Variants in NOS1 observed in about 807,000 individuals in gnomAD.
The protein encoded by NOS1 is NOS type I.
A neutral mutation model predicts 164.5 loss-of-function variants in NOS1; 51 were observed. That is an observed-to-expected ratio of 0.31 (90% CI 0.25 to 0.39). The LOEUF (loss-of-function observed/expected upper bound fraction) is 0.39. Among genes scored for constraint, NOS1 ranks in the 10% least tolerant of loss-of-function variants. The pLI is 1.00. For synonymous variants in NOS1, 719 were observed against 745.8 expected, an observed-to-expected ratio of 0.96 and a Z score of 0.59; for missense variants, 1,362 against 1,885.6, an observed-to-expected ratio of 0.72 and a Z score of 5.14.
intron 2 of NOS1, among the ~76,000 whole-genome samples, chr12:117,329,438 T>G (rs1566078545): frequency 6.6e-6 from 1 of 152,128 alleles, no homozygotes; most frequent in Non-Finnish European, 1.5e-5. Context: ...GATTTTTTGG[T>G]GGCCTCAGAC....
rs576799284 is a variant in NOS1 at position 117,337,753 on chromosome 12, C to T, written c.-420-6264G>A. ...GAATAGAGAGGTCATAGTAGAATGT[C>T]CCCTGGGCTAATAGTCCAGTATCCA... On this transcript the variant is annotated intron_variant, in intron 1 of 28. Transcript: ENST00000317775. Among the ~76,000 whole-genome samples, 48 of 152,206 alleles carry T rather than the reference C, an allele frequency of 3.2e-4. 1 individual carries two copies. Among genetic ancestry groups the T allele is most frequent in the African/African-American group, 1.1e-3 (47 of 41,532 alleles).
chr12:117,213,027 T>C lies in NOS1; in HGVS notation c.*2282A>G, dbSNP rs1321402121. 9 of 985,358 alleles carry C rather than the reference T, an allele frequency of 9.1e-6. No individual in the cohort carries two copies. The highest frequency in any genetic ancestry group is 1.0e-3 in the Middle Eastern group (2 of 1,936). The allele number at this position is 985,358 out of a possible 1,614,324, so 61.0% of individuals were successfully genotyped here. On this transcript the variant is annotated 3_prime_UTR_variant, in exon 29 of 29. Coordinates refer to ENST00000317775, the MANE Select transcript of NOS1 (RefSeq NM_000620.5). Reference sequence around the variant, plus strand: ...TGGTTTTATAATCATTTCTTTGGACTCCTTGACAAAATGAGACAATGTTTC... The same window carrying C: ...TGGTTTTATAATCATTTCTTTGGACCCCTTGACAAAATGAGACAATGTTTC...
chr12:117,357,140 T>C lies in NOS1; in HGVS notation c.-421+4372A>G, dbSNP rs183325067. Among the ~76,000 whole-genome samples the C allele has an allele frequency of 1.3e-3, 192 of 152,246 alleles. 1 individual carries two copies. Among genetic ancestry groups the C allele is most frequent in the Non-Finnish European group, 2.3e-3 (155 of 68,006 alleles). On this transcript the variant is annotated intron_variant, in intron 1 of 28. Coordinates refer to ENST00000317775, the MANE Select transcript of NOS1 (RefSeq NM_000620.5). ...GAGTTTGAGTCTGGCCTGGGCAGCA[T>C]GACAAAACCCCGTCTCTACAAAAAA...
In NOS1 at chr12:117,242,088, C is replaced by T. The variant is rs41383344; in HGVS notation, c.3041+539G>A. On this transcript the variant is annotated intron_variant, in intron 20 of 28. Transcript: ENST00000317775. ...GTAAAACTGGGTTTAAAATAAAGTACTAGGAAGACATGCTTTGGTTACATT... is the reference window on the plus strand; with the variant it reads ...GTAAAACTGGGTTTAAAATAAAGTATTAGGAAGACATGCTTTGGTTACATT... Among the ~76,000 whole-genome samples the T allele has an allele frequency of 2.2e-3, 340 of 152,264 alleles. 2 individuals are homozygous for T. The highest frequency in any genetic ancestry group is 7.9e-3 in the African/African-American group (327 of 41,542).
In NOS1 at chr12:117,330,919, C is replaced by T. The variant is rs777590341; in HGVS notation, c.151G>A (p.Ala51Thr). Residue 51 changes from alanine (A) to threonine (T), a missense_variant, in exon 2 of 29, where the codon GCC becomes ACC. By Grantham distance (58) the Ala-to-Thr change is moderately conservative. Transcript: ENST00000317775. This position sits in a 1 kb window ranked among gnomAD's most constrained non-coding sequence, Gnocchi z 4.6. ...VIISDLIRGG[A>T]AEQSGLIQAG... is the part of the protein sequence containing the mutation. The stretch of plus-strand genomic sequence containing the variant: ...TGGATGAGGCCACTCTGCTCTGCGG[C>T]GCCCCCACGAATCAGGTCAGAGATG... 13 of 1,614,038 alleles carry T rather than the reference C, an allele frequency of 8.1e-6. No individual in the cohort carries two copies. Among genetic ancestry groups the T allele is most frequent in the South Asian group, 2.2e-5 (2 of 91,088 alleles).
Position 117,247,358 on chromosome 12 carries a change from T to C in NOS1, c.2813A>G (p.Lys938Arg), listed in dbSNP as rs1348349522. The stretch of plus-strand genomic sequence containing the variant: ...TGAGATCCAGATTACCTTGAAGACC[T>C]TCTTGGCCCAGGTCCTGAAAGCCTC... The part of the protein sequence containing the change: ...QEEAFRTWAK[K>R]VFKAACDVFC... Residue 938 changes from lysine (K) to arginine (R), a missense_variant, in exon 18 of 29, where the codon AAG becomes AGG. Physicochemically the swap from Lys to Arg is conservative, Grantham distance 26. Around this residue, in one of 4 missense-constraint regions of NOS1, gnomAD observed 737 missense variants for 1,030.3 expected, o/e 0.72. Transcript: ENST00000317775. 4 of 1,600,576 alleles carry C rather than the reference T, an allele frequency of 2.5e-6. No individual in the cohort carries two copies. The highest frequency in any genetic ancestry group is 3.4e-6 in the Non-Finnish European group (4 of 1,174,308).
At chr12:117,229,979 G>C (rs760895568) in intron 22 of NOS1, among the ~76,000 whole-genome samples, 1 of 152,168 alleles carries the variant, frequency 6.6e-6, no homozygotes, top group African/African-American at 2.4e-5. Flanking sequence ...GAGTACAGTT[G>C]CAAGATCGTG....
Position 117,253,816 on chromosome 12 carries a change from C to T in NOS1, c.2532-62G>A, listed in dbSNP as rs908005725. On this transcript the variant is annotated intron_variant, in intron 16 of 28. Coordinates refer to ENST00000317775, the MANE Select transcript of NOS1 (RefSeq NM_000620.5). The stretch of plus-strand genomic sequence containing the variant: ...GGAGCTCCCTCCTGAGGTCAACACC[C>T]TTGATGGATCTTCAAGTGACCAGTC... 26 of 1,080,642 alleles carry T rather than the reference C, an allele frequency of 2.4e-5. No individual in the cohort carries two copies. The African/African-American group carries it at 3.6e-4, about 15-fold the overall frequency. The allele number at this position is 1,080,642 out of a possible 1,614,324, so 66.9% of individuals were successfully genotyped here.
At chr12:117,278,800 GATATTA>G (rs1236476799) in intron 8 of NOS1, among the ~76,000 whole-genome samples, 1 of 148,838 alleles carries the variant, frequency 6.7e-6, no homozygotes, top group African/African-American at 2.5e-5. Context: ...TAATGTCCTT[GATATTA>G]ATATTAATTT....
intron 1 of NOS1, among the ~76,000 whole-genome samples, chr12:117,332,621 T>C (rs1875601609): frequency 6.6e-6 from 1 of 151,886 alleles, no homozygotes; most frequent in African/African-American, 2.4e-5. Flanking sequence ...TCCCAGCACT[T>C]TGGGAGGCCA....
intron 8 of NOS1, 103 bp from the exon 9 acceptor site, chr12:117,278,201 GC>G: frequency 1.5e-6 from 2 of 1,303,092 alleles, no homozygotes; most frequent in Non-Finnish European, 2.0e-6. Flanking sequence ...CCAAATGCAA[GC>G]CCCCAGGAGA....
chr12:117,286,041 C>T, intron 6 of NOS1, 63 bp downstream of exon 6: 1 of 1,575,892 alleles, frequency 6.3e-7, no homozygotes, highest in Non-Finnish European at 8.7e-7. Context: ...AAAGCTCCAT[C>T]CACTCCCCTT....
intron 3 of NOS1, among the ~76,000 whole-genome samples, chr12:117,295,042 G>A (rs1873319280): frequency 6.6e-6 from 1 of 152,190 alleles, no homozygotes; most frequent in Non-Finnish European, 1.5e-5. Context: ...AAGGACTGCT[G>A]AAGCTCTGAT....
chr12:117,265,121 T>C (rs1413183483), intron 12 of NOS1, among the ~76,000 whole-genome samples, 195 bp downstream of exon 12: 2 of 152,140 alleles, frequency 1.3e-5, no homozygotes. Context: ...ACTGGGATTA[T>C]AGGCATGAGC....
chr12:117,266,352 T>C (rs927311373), intron 11 of NOS1, among the ~76,000 whole-genome samples: 48 of 152,324 alleles, frequency 3.2e-4, no homozygotes, highest in African/African-American at 1.1e-3. Context: ...AGTGAGAACA[T>C]ACGATGTTTG....
At chr12:117,251,848 C>T (rs1871126206) in intron 17 of NOS1, among the ~76,000 whole-genome samples, 1 of 152,074 alleles carries the variant, frequency 6.6e-6, no homozygotes, top group South Asian at 2.1e-4. Context: ...CTTCCCACCT[C>T]AGTCTCCAGA....
chr12:117,241,228 G>T (rs758108162), intron 20 of NOS1, among the ~76,000 whole-genome samples: 1 of 152,036 alleles, frequency 6.6e-6, no homozygotes, highest in Non-Finnish European at 1.5e-5. Flanking sequence ...GTGAGCCACC[G>T]TGCCTGGCCA....
chr12:117,259,511 T>C (rs1169275643), intron 14 of NOS1, among the ~76,000 whole-genome samples: 2 of 152,278 alleles, frequency 1.3e-5, no homozygotes, highest in East Asian at 1.9e-4. Flanking sequence ...AGGCCGGGAA[T>C]GATCTGGCTA....
In NOS1 at chr12:117,218,034, G is replaced by A; in HGVS notation, c.4289+12C>T. 1.3e-6 allele frequency: 2 copies of A among 1,585,538 alleles called. No homozygotes were observed. The highest frequency in any genetic ancestry group is 1.7e-6 in the Non-Finnish European group (2 of 1,153,998). Reference sequence around the variant, plus strand: ...TCTTCCTGCCCCTCACCCAGGGATGGAGCCAGCTTACTCATCGGTGTCTTT... The same window carrying A: ...TCTTCCTGCCCCTCACCCAGGGATGAAGCCAGCTTACTCATCGGTGTCTTT... On this transcript the variant is annotated intron_variant, in intron 28 of 28. Transcript: ENST00000317775.
Sources: allele counts gnomAD v4.1 joint callset (sites outside exome capture counted in the v4.1 genomes callset), GRCh38; gene constraint gnomAD v4.1.1; regional missense constraint gnomAD v4.1.1; non-coding constraint Gnocchi (gnomAD v3.1); transcripts MANE v1.5; gene names NCBI Gene and HGNC (gene_info 2026-07-23, HGNC 2026-07-21).